Variants in MID1 observed in about 807,000 individuals in gnomAD.
The protein encoded by MID1 is E3 ubiquitin-protein ligase Midline-1.
A neutral mutation model predicts 40.4 loss-of-function variants in MID1; 7 were observed. The ratio of observed to expected loss-of-function variants is 0.17; its 90% CI spans 0.10 to 0.33. The LOEUF is 0.33. Ranked by LOEUF, MID1 falls within the 10% of genes least tolerant of loss-of-function variation. The pLI is 1.00. For missense variants in MID1, 367 were observed against 558.5 expected, an observed-to-expected ratio of 0.66 and a Z score of 3.46; for synonymous variants, 229 against 221.2, an observed-to-expected ratio of 1.04 and a Z score of -0.31.
At chrX:10,728,921 C>T (rs371557955) in intron 1 of MID1, among the ~76,000 whole-genome samples, 4 of 111,825 alleles carry the variant, frequency 3.6e-5, no homozygotes, top group Non-Finnish European at 7.5e-5. Context: ...GAATAGGCAG[C>T]GTGTTTCCCA....
chrX:10,703,666 A>T (rs1326125520), intron 1 of MID1, among the ~76,000 whole-genome samples: 3 of 111,494 alleles, frequency 2.7e-5, no homozygotes, highest in South Asian at 3.8e-4. Flanking sequence ...GAGTCTGTTT[A>T]AAAAAAAGTT....
upstream of MID1, among the ~76,000 whole-genome samples, chrX:10,624,059 G>A (rs1935970868): frequency 1.8e-5 from 2 of 112,360 alleles, no homozygotes; most frequent in South Asian, 7.4e-4. Flanking sequence ...TCTACTTCCT[G>A]TGTACAGGTA....
chrX:10,775,458 G>A (rs777985188), intron 1 of MID1, among the ~76,000 whole-genome samples: 2 of 111,380 alleles, frequency 1.8e-5, no homozygotes, highest in Non-Finnish European at 3.8e-5. Flanking sequence ...GGAGAGAGGA[G>A]GGGAAAGGAA....
intron 1 of MID1, among the ~76,000 whole-genome samples, chrX:10,602,208 A>C (rs1359928360): frequency 2.9e-5 from 3 of 103,509 alleles, no homozygotes; most frequent in Non-Finnish European, 5.7e-5. Context: ...TGTAACAATT[A>C]AGCAAATAGT....
intron 1 of MID1, among the ~76,000 whole-genome samples, chrX:10,704,737 T>TACACACACACAC (rs1463296582): frequency 1.5e-3 from 131 of 86,701 alleles, no homozygotes; most frequent in African/African-American, 5.4e-3. Context: ...TATATATATA[T>TACACACACACAC]ATACACACAC....
At chrX:10,565,888 C>T (rs1004448112) in intron 2 of MID1, among the ~76,000 whole-genome samples, 1 of 108,064 alleles carries the variant, frequency 9.3e-6, no homozygotes, top group Non-Finnish European at 1.9e-5. Context: ...TGGGTCACTG[C>T]AACATCCACC....
intron 1 of MID1, among the ~76,000 whole-genome samples, chrX:10,777,211 AT>A (rs1197519259): frequency 1.8e-4 from 20 of 110,436 alleles, no homozygotes; most frequent in Admixed American, 1.6e-3. Context: ...TTATTTATTT[AT>A]TTTTTTTGAG....
chrX:10,625,376 T>C (rs776771440), upstream of MID1, among the ~76,000 whole-genome samples: 2 of 112,819 alleles, frequency 1.8e-5, no homozygotes, highest in South Asian at 7.3e-4. Flanking sequence ...GATTAACATT[T>C]GGTTGAATAA....
intron 2 of MID1, among the ~76,000 whole-genome samples, chrX:10,530,912 T>G (rs1300438880): frequency 8.9e-6 from 1 of 112,319 alleles, no homozygotes; most frequent in East Asian, 2.8e-4. Flanking sequence ...AAATGTATGC[T>G]TGAAACAGGA....
chrX:10,551,585 T>G (rs751355950), intron 2 of MID1, among the ~76,000 whole-genome samples: 1 of 112,102 alleles, frequency 8.9e-6, no homozygotes, highest in African/African-American at 3.2e-5. Flanking sequence ...GACTGTAATC[T>G]AATTAAATCA....
rs749760663 is a variant in MID1, at chrX:10,448,985, C to T, written c.*383G>A. ...ATCAGGTAAGAAGATGAGTAACATA[C>T]AAAACTACAAAAGTTTTTGTTTTTT... On this transcript the variant is annotated 3_prime_UTR_variant, in exon 10 of 10. Coordinates refer to ENST00000317552, the MANE Select transcript of MID1 (RefSeq NM_000381.4). The T allele has an allele frequency of 6.6e-6, 1 of 151,820 alleles. No individual in the cohort carries two copies. Among genetic ancestry groups the T allele is most frequent in the African/African-American group, 3.1e-5 (1 of 32,031 alleles). The allele number at this position is 151,820 out of a possible 1,213,427, so 12.5% of individuals were successfully genotyped here.
intron 2 of MID1, among the ~76,000 whole-genome samples, chrX:10,556,117 GC>G (rs1934111679): frequency 9.1e-6 from 1 of 110,105 alleles, no homozygotes; most frequent in Admixed American, 9.7e-5. Flanking sequence ...AAGAAAGCTA[GC>G]CCCCTGAGCT....
intron 1 of MID1, among the ~76,000 whole-genome samples, chrX:10,789,035 C>CA (rs1410176821): frequency 9.1e-6 from 1 of 109,980 alleles, no homozygotes; most frequent in Admixed American, 9.7e-5. Flanking sequence ...AACAAATAAA[C>CA]AAAAAAAATC....
At chrX:10,649,814 A>C (rs1220553706) in intron 1 of MID1, among the ~76,000 whole-genome samples, 6 of 112,175 alleles carry the variant, frequency 5.3e-5, no homozygotes, top group African/African-American at 1.9e-4. Flanking sequence ...ATTTCACTTA[A>C]AACAGTGCTC....
intron 2 of MID1, among the ~76,000 whole-genome samples, chrX:10,550,951 C>T (rs1042206345): frequency 1.8e-5 from 2 of 111,730 alleles, no homozygotes; most frequent in Non-Finnish European, 3.8e-5. Flanking sequence ...AGAAAATACA[C>T]ACACACAAAA....
chrX:10,452,439 A>C (rs905096219), intron 9 of MID1, among the ~76,000 whole-genome samples: 2 of 112,454 alleles, frequency 1.8e-5, no homozygotes, highest in Admixed American at 9.4e-5. Context: ...TGCAGGCAGA[A>C]TGTAATGTTC....
At chrX:10,813,072 T>C (rs1378105019) in intron 1 of MID1, among the ~76,000 whole-genome samples, 1 of 110,829 alleles carries the variant, frequency 9.0e-6, no homozygotes, top group Non-Finnish European at 1.9e-5. Flanking sequence ...AATAATTTGA[T>C]TTATATTCCA....
At chrX:10,700,827 A>G (rs5978415) in intron 1 of MID1, among the ~76,000 whole-genome samples, 10,539 of 111,545 alleles carry the variant, frequency 0.094, 788 homozygotes, top group African/African-American at 0.25. Flanking sequence ...TGCAATAATA[A>G]TGTTCTTTTG....
chrX:10,524,750 G>A (rs1424961497), intron 2 of MID1, among the ~76,000 whole-genome samples: 4 of 112,169 alleles, frequency 3.6e-5, no homozygotes, highest in Non-Finnish European at 5.6e-5. Flanking sequence ...AAGAGTTGAT[G>A]GCTGCTGGTT....
Sources: allele counts gnomAD v4.1 joint callset (sites outside exome capture counted in the v4.1 genomes callset), GRCh38; gene constraint gnomAD v4.1.1; transcripts MANE v1.5; gene names NCBI Gene and HGNC (gene_info 2026-07-23, HGNC 2026-07-21).